The following CES5A variants were observed in gnomAD, a reference collection of about 807,000 sequenced individuals.
CES5A encodes the protein carboxylesterase 5.
CES5A carries 67 observed loss-of-function variants against 62.9 expected under a neutral mutation model. The ratio of observed to expected loss-of-function variants is 1.07; its 90% CI spans 0.88 to 1.31. The LOEUF is 1.31. CES5A is among the 50% of genes most tolerant of loss of function. The probability of loss-of-function intolerance (pLI) is 0.00; values close to 1 mark genes in which losing one functional copy is unlikely to be tolerated. For missense variants in CES5A, 748 were observed against 708.5 expected (o/e 1.06, Z -0.63); for synonymous variants, 296 against 280.8 (o/e 1.05, Z -0.54).
intron 1 of CES5A, among the ~76,000 whole-genome samples, chr16:55,906,150 C>T (rs1251487930): frequency 6.6e-6 from 1 of 152,242 alleles, no homozygotes; most frequent in Non-Finnish European, 1.5e-5. Flanking sequence ...AGACGATCAA[C>T]TCTGGTGTCC....
intron 2 of CES5A, among the ~76,000 whole-genome samples, chr16:55,937,997 C>T (rs2034395209): frequency 6.6e-6 from 1 of 152,128 alleles, no homozygotes; most frequent in Non-Finnish European, 1.5e-5. Context: ...AGATACTTTT[C>T]CTTTCCCATT....
chr16:55,863,133 C>T (rs1260471759), intron 6 of CES5A, among the ~76,000 whole-genome samples: 1 of 152,204 alleles, frequency 6.6e-6, no homozygotes, highest in Non-Finnish European at 1.5e-5. Context: ...CACATACACA[C>T]ACACTTGTGC....
intron 2 of CES5A, among the ~76,000 whole-genome samples, chr16:55,873,228 T>C (rs1210738242): frequency 1.3e-5 from 2 of 152,122 alleles, no homozygotes; most frequent in African/African-American, 4.8e-5. Context: ...CTAACCGAGC[T>C]TGGAAATCTG....
intron 4 of CES5A, among the ~76,000 whole-genome samples, chr16:55,866,657 C>CAAAAAAAA (rs1567330836): frequency 1.4e-5 from 1 of 69,522 alleles, no homozygotes; most frequent in African/African-American, 7.0e-5. Flanking sequence ...TCTGTCTCTG[C>CAAAAAAAA]TAAAAAAAAA....
At chr16:55,946,377 G>C (rs1200123901) in intron 2 of CES5A, among the ~76,000 whole-genome samples, 1 of 152,104 alleles carries the variant, frequency 6.6e-6, no homozygotes, top group Non-Finnish European at 1.5e-5. Flanking sequence ...TGGGAAAGAA[G>C]CTGCAAGGCA....
At position 55,859,683 on chromosome 16, in the gene CES5A, G is replaced by T; in HGVS notation, c.920C>A (p.Thr307Lys). 3 of 1,601,190 alleles carry T rather than the reference G, an allele frequency of 1.9e-6. No homozygotes were observed. Among genetic ancestry groups the T allele is most frequent in the Non-Finnish European group, 1.7e-6 (2 of 1,176,010 alleles). Reference protein sequence around the residue: ...SKELLTLSQKTKSFTRVVDGA... With the variant: ...SKELLTLSQKKKSFTRVVDGA... The stretch of plus-strand genomic sequence containing the variant: ...ATCAACCACTCGAGTGAAAGACTTT[G>T]TTTTCTGTAATAAGGAAGAAAAAAA... Residue 307 changes from threonine to lysine, a missense_variant, in exon 8 of 13, where the codon ACA becomes AAA. Coordinates refer to ENST00000290567, the MANE Select transcript of CES5A (RefSeq NM_001143685.2).
intron 2 of CES5A, among the ~76,000 whole-genome samples, chr16:55,946,623 A>C (rs1211830233): frequency 6.6e-6 from 1 of 152,204 alleles, no homozygotes; most frequent in East Asian, 1.9e-4. Context: ...TTTCTGGAAG[A>C]GTGTGTACCT....
chr16:55,879,089 C>T (rs1457819764), upstream of CES5A, among the ~76,000 whole-genome samples: 1 of 149,278 alleles, frequency 6.7e-6, no homozygotes, highest in Non-Finnish European at 1.5e-5. Context: ...CATCATTATC[C>T]CATCGCTGTA....
intron 1 of CES5A, among the ~76,000 whole-genome samples, chr16:55,916,202 G>A (rs1260704067): frequency 6.6e-6 from 1 of 152,126 alleles, no homozygotes; most frequent in Non-Finnish European, 1.5e-5. Flanking sequence ...ATATCAAATG[G>A]CCAATCTTAG....
intron 4 of CES5A, among the ~76,000 whole-genome samples, chr16:55,866,968 G>A (rs1156648809): frequency 2.0e-5 from 3 of 152,182 alleles, no homozygotes. Context: ...GAGGTAGGTG[G>A]TGCTGGGTTT....
chr16:55,859,134 T>C (rs1426290368), intron 8 of CES5A, among the ~76,000 whole-genome samples: 26 of 152,342 alleles, frequency 1.7e-4, no homozygotes, highest in African/African-American at 6.3e-4. Context: ...AACCTTAGCA[T>C]TCAGGGATGT....
At chr16:55,856,835 G>A (rs1447604055) in intron 8 of CES5A, among the ~76,000 whole-genome samples, 1 of 152,212 alleles carries the variant, frequency 6.6e-6, no homozygotes, top group African/African-American at 2.4e-5. Flanking sequence ...GTTAGAGTGG[G>A]TCCTAATCCA....
chr16:55,914,486 G>A lies in CES5A; in HGVS notation c.-256+10837C>T, dbSNP rs183646838. The stretch of plus-strand genomic sequence containing the variant: ...CTGCTGTATCCTGAGGCTACGCCAG[G>A]GGATGAAGGAAATCTAAAGTTGACA... On this transcript the variant is annotated intron_variant, in intron 1 of 12. Coordinates refer to the CES5A transcript ENST00000518005. Among the ~76,000 whole-genome samples, 67 of 152,274 alleles carry A rather than the reference G, an allele frequency of 4.4e-4. 1 individual carries two copies. In the East Asian group the frequency reaches 9.3e-3, roughly 21 times the overall value.
chr16:55,930,994 G>A (rs1349976816), intron 2 of CES5A, among the ~76,000 whole-genome samples: 1 of 152,176 alleles, frequency 6.6e-6, no homozygotes, highest in Non-Finnish European at 1.5e-5. Flanking sequence ...GATTCTGTAA[G>A]GTTGGACATT....
chr16:55,887,170 C>T (rs1383644081), intron 1 of CES5A, among the ~76,000 whole-genome samples: 3 of 152,010 alleles, frequency 2.0e-5, no homozygotes, highest in Non-Finnish European at 4.4e-5. Context: ...GAAATATTGA[C>T]CCCTGTCACC....
At chr16:55,850,883 C>T (rs753278665) in intron 10 of CES5A, among the ~76,000 whole-genome samples, 15 of 133,098 alleles carry the variant, frequency 1.1e-4, no homozygotes, top group Admixed American at 5.0e-4. Flanking sequence ...GTCCTTCACA[C>T]TTGTTCTTAC....
In CES5A at chr16:55,875,207, C is replaced by A. The variant is rs1190302224; in HGVS notation, c.15G>T (p.Trp5Cys). Residue 5 changes from tryptophan (W) to cysteine (C), a missense_variant, in exon 1 of 13, where the codon TGG (tryptophan) becomes TGT (cysteine). Transcript: ENST00000290567. MSGN[W>C]VHPGQILIWA... The stretch of plus-strand genomic sequence containing the variant: ...AAATTAGGATCTGGCCTGGGTGCAC[C>A]CAATTCCCACTCATTTGGCTGCCTG... 1 of 1,613,622 alleles carries A rather than the reference C, an allele frequency of 6.2e-7. No homozygotes were observed. The highest frequency in any genetic ancestry group is 1.7e-5 in the Admixed American group (1 of 59,930).
At chr16:55,862,729 T>G (rs761001300) in intron 6 of CES5A, among the ~76,000 whole-genome samples, 30 of 152,238 alleles carry the variant, frequency 2.0e-4, no homozygotes, top group Non-Finnish European at 2.5e-4. Flanking sequence ...CAGTGCTTAA[T>G]TAATATGCAT....
chr16:55,906,484 G>A (rs1403642327), intron 1 of CES5A, among the ~76,000 whole-genome samples: 3 of 152,198 alleles, frequency 2.0e-5, no homozygotes, highest in Non-Finnish European at 2.9e-5. Context: ...CTCTGCACCA[G>A]ATCTTGAAGG....
Sources: allele counts gnomAD v4.1 joint callset (sites outside exome capture counted in the v4.1 genomes callset), GRCh38; gene constraint gnomAD v4.1.1; transcripts MANE v1.5; gene names NCBI Gene and HGNC (gene_info 2026-07-23, HGNC 2026-07-21).